The following ZSWIM5 variants were observed in gnomAD, a reference collection of about 807,000 sequenced individuals.
ZSWIM5 encodes zinc finger SWIM-type containing 5, also known as zinc finger SWIM domain-containing protein 5.
In ZSWIM5, 55 loss-of-function variants were observed where a neutral mutation model predicts 119.6. That is an observed-to-expected ratio of 0.46 (90% CI 0.37 to 0.58). The LOEUF is 0.58. Ranked by LOEUF, ZSWIM5 falls within the 20% of genes least tolerant of loss-of-function variation. The pLI is 0.00. For missense variants in ZSWIM5, 1,193 were observed against 1,512.8 expected (o/e 0.79, Z 3.51); for synonymous variants, 537 against 606.9 (o/e 0.88, Z 1.69).
intron 2 of ZSWIM5, among the ~76,000 whole-genome samples, chr1:45,073,186 T>C (rs938914171): frequency 2.0e-5 from 3 of 151,296 alleles, no homozygotes; most frequent in African/African-American, 7.3e-5. Flanking sequence ...CCATTGTAAA[T>C]GGGATTACTT....
chr1:45,136,401 G>A (rs1645690228), intron 1 of ZSWIM5, among the ~76,000 whole-genome samples: 2 of 152,010 alleles, frequency 1.3e-5, no homozygotes, highest in South Asian at 4.2e-4. Context: ...GTGAGCCACC[G>A]CATCCGGCCC....
intron 1 of ZSWIM5, among the ~76,000 whole-genome samples, chr1:45,168,276 A>C (rs1645920981): frequency 6.6e-6 from 1 of 151,984 alleles, no homozygotes; most frequent in South Asian, 2.1e-4. Context: ...TCGAACAATG[A>C]GAACACTTGG....
chr1:45,103,474 G>A (rs1380031335), intron 1 of ZSWIM5, among the ~76,000 whole-genome samples: 1 of 152,192 alleles, frequency 6.6e-6, no homozygotes, highest in African/African-American at 2.4e-5. Context: ...CTGAACACAG[G>A]TAGTCTGGCT....
chr1:45,178,418 C>T (rs562285604), intron 1 of ZSWIM5, among the ~76,000 whole-genome samples: 7 of 152,142 alleles, frequency 4.6e-5, no homozygotes, highest in African/African-American at 7.2e-5. Context: ...AGTGAGACTC[C>T]GTCTCAGAAA....
chr1:45,189,551 T>C (rs951956132), intron 1 of ZSWIM5, among the ~76,000 whole-genome samples: 19 of 151,478 alleles, frequency 1.3e-4, no homozygotes, highest in African/African-American at 4.1e-4. Context: ...AGCCCAGGAG[T>C]TCAGGACCAG....
chr1:45,043,337 T>G lies in ZSWIM5; in HGVS notation c.1491A>C (p.Leu497Phe), dbSNP rs1645027963. 6.2e-7 allele frequency: 1 copy of G among 1,614,122 alleles called. No individual in the cohort carries two copies. Among genetic ancestry groups the G allele is most frequent in the African/African-American group, 1.3e-5 (1 of 74,942 alleles). ...GCTGTAGGTGGCTATCCTGCCAATGTAATTCACGCCCCTCAATGGCTCTAG... is the reference window on the plus strand; with the variant it reads ...GCTGTAGGTGGCTATCCTGCCAATGGAATTCACGCCCCTCAATGGCTCTAG... Reference protein sequence around the residue: ...VFTRAIEGRELHWQDSHLQRI... With the variant: ...VFTRAIEGREFHWQDSHLQRI... Residue 497 changes from leucine (L) to phenylalanine (F), a missense_variant, in exon 6 of 14, where the codon TTA becomes TTC. Physicochemically the swap from Leu to Phe is conservative, Grantham distance 22. This residue lies in a region of ZSWIM5 where 961 missense variants were observed against 1,290.0 expected (regional missense o/e 0.74). Coordinates refer to ENST00000359600, the MANE Select transcript of ZSWIM5 (RefSeq NM_020883.2).
chr1:45,183,515 GAAAA>G (rs1243703528), intron 1 of ZSWIM5, among the ~76,000 whole-genome samples: 1 of 151,714 alleles, frequency 6.6e-6, no homozygotes, highest in Non-Finnish European at 1.5e-5. Flanking sequence ...GACTAATAAA[GAAAA>G]AAAGAGAGAA....
intron 1 of ZSWIM5, among the ~76,000 whole-genome samples, chr1:45,143,188 A>AAG (rs997657775): frequency 6.0e-5 from 9 of 150,846 alleles, no homozygotes; most frequent in Non-Finnish European, 1.0e-4. Context: ...AAAAAAAAAA[A>AAG]AAGAAGAAGA....
At chr1:45,190,733 C>T (rs1337306975) in intron 1 of ZSWIM5, among the ~76,000 whole-genome samples, 2 of 151,950 alleles carry the variant, frequency 1.3e-5, no homozygotes, top group African/African-American at 4.8e-5. Context: ...AAAGGAAACA[C>T]CAAGATAGAA....
Position 45,072,788 on chromosome 1 carries a change from A to AT in ZSWIM5, c.953-12542dup, listed in dbSNP as rs1231127866. 2.6e-5 allele frequency among the ~76,000 whole-genome samples: 4 copies of AT among 151,894 alleles called. No homozygotes were observed. The highest frequency in any genetic ancestry group is 5.9e-5 in the Non-Finnish European group (4 of 67,998). On this transcript the variant is annotated intron_variant, in intron 2 of 13. Transcript: ENST00000359600. This position sits in a 1 kb window ranked among gnomAD's most constrained non-coding sequence, Gnocchi z 4.1. ...TTCTGTTCCATTGGTCTGTGTGTCT[A>AT]TTTTATGACAGTACCATGCTATTTT...
At chr1:45,144,614 G>A (rs1645750260) in intron 1 of ZSWIM5, among the ~76,000 whole-genome samples, 1 of 152,036 alleles carries the variant, frequency 6.6e-6, no homozygotes, top group Non-Finnish European at 1.5e-5. Context: ...TCAATATATA[G>A]GACTGGACAC....
At chr1:45,099,787 A>T (rs944533028) in intron 1 of ZSWIM5, among the ~76,000 whole-genome samples, 4 of 152,212 alleles carry the variant, frequency 2.6e-5, no homozygotes, top group African/African-American at 9.6e-5. Context: ...AACAGAACCA[A>T]CAACAAAACC....
intron 1 of ZSWIM5, among the ~76,000 whole-genome samples, chr1:45,108,944 G>A (rs1645497739): frequency 6.6e-6 from 1 of 152,106 alleles, no homozygotes; most frequent in Non-Finnish European, 1.5e-5. Context: ...TTTTAATATG[G>A]AGATGAATGC....
intron 11 of ZSWIM5, among the ~76,000 whole-genome samples, chr1:45,033,739 G>A (rs868702933): frequency 1.1e-4 from 16 of 152,164 alleles, no homozygotes; most frequent in Non-Finnish European, 1.9e-4. Context: ...AAACTGAGGC[G>A]TAGAAAGGTG....
chr1:45,154,424 C>A (rs576594102), intron 1 of ZSWIM5, among the ~76,000 whole-genome samples: 5 of 152,006 alleles, frequency 3.3e-5, no homozygotes, highest in Middle Eastern at 3.2e-3. Context: ...AATAGAGAAC[C>A]CAGAAATAAA....
chr1:45,040,427 T>A lies in ZSWIM5; in HGVS notation c.1721A>T (p.Gln574Leu), dbSNP rs542324423. ...ATGCTTGTAGATTTCCAGTTGCCGC[T>A]GCTGCTGCAACCTCAGAGTATTAAT... The part of the protein sequence containing the change: ...AIINTLRLQQ[Q>L]RQLEIYKHQK... Residue 574 changes from glutamine (Q) to leucine (L), a missense_variant, in exon 7 of 14, where the codon CAG becomes CTG. Transcript: ENST00000359600. The A allele has an allele frequency of 6.2e-7, 1 of 1,611,190 alleles. No individual in the cohort carries two copies. The highest frequency in any genetic ancestry group is 1.1e-5 in the South Asian group (1 of 90,124).
At chr1:45,161,787 A>T (rs1645864983) in intron 1 of ZSWIM5, among the ~76,000 whole-genome samples, 1 of 152,246 alleles carries the variant, frequency 6.6e-6, no homozygotes, top group African/African-American at 2.4e-5. Flanking sequence ...CCTTATGCCT[A>T]TAGGAACTTA....
chr1:45,143,887 AC>A (rs991306344), intron 1 of ZSWIM5, among the ~76,000 whole-genome samples: 13 of 151,238 alleles, frequency 8.6e-5, no homozygotes, highest in East Asian at 7.9e-4. Context: ...AAAAAAAAAA[AC>A]AATTATAATA....
At chr1:45,065,172 T>G (rs1420585913) in intron 2 of ZSWIM5, among the ~76,000 whole-genome samples, 1 of 152,184 alleles carries the variant, frequency 6.6e-6, no homozygotes, top group Admixed American at 6.5e-5. Flanking sequence ...AGGAGATCCA[T>G]AGAGATAAAA....
Sources: gnomAD v4.1 joint callset for allele counts (sites outside exome capture counted in the v4.1 genomes callset) on GRCh38, gnomAD v4.1.1 for gene constraint, gnomAD v4.1.1 regional missense constraint, Gnocchi (gnomAD v3.1) non-coding constraint, MANE v1.5 for transcripts, NCBI Gene and HGNC (gene_info 2026-07-23, HGNC 2026-07-21) for gene names.